Variants in JMJD1C observed in about 807,000 individuals in gnomAD.
JMJD1C encodes jumonji domain containing 1C.
Under a neutral mutation model 245.3 loss-of-function variants are expected in JMJD1C, and 31 were observed. The ratio of observed to expected loss-of-function variants is 0.13; its 90% CI spans 0.09 to 0.17. The LOEUF is 0.17. Among genes scored for constraint, JMJD1C ranks in the 10% least tolerant of loss-of-function variants. The pLI, the probability that JMJD1C is intolerant of heterozygous loss-of-function variation, is 1.00. For synonymous variants in JMJD1C, 1,057 were observed against 1,017.4 expected (o/e 1.04, Z -0.74); for missense variants, 2,691 against 3,000.2 (o/e 0.90, Z 2.41).
intron 2 of JMJD1C, among the ~76,000 whole-genome samples, chr10:63,325,313 G>A (rs1218774583): frequency 2.6e-5 from 4 of 152,098 alleles, no homozygotes; most frequent in Admixed American, 2.0e-4. Flanking sequence ...CTAGAATAGG[G>A]TTTCTTCTAC....
chr10:63,462,412 T>C (rs1352928186), intron 1 of JMJD1C, among the ~76,000 whole-genome samples: 5 of 152,358 alleles, frequency 3.3e-5, no homozygotes, highest in Admixed American at 2.6e-4. Context: ...AGAAATATGT[T>C]TGCTACCACG....
chr10:63,501,907 G>A (rs1954574427), intron 1 of JMJD1C, among the ~76,000 whole-genome samples: 1 of 152,148 alleles, frequency 6.6e-6, no homozygotes, highest in African/African-American at 2.4e-5. Context: ...GAAAAAGAAG[G>A]CGAGAAGAAA....
chr10:63,511,840 A>G (rs924848494), intron 1 of JMJD1C, among the ~76,000 whole-genome samples: 2 of 152,226 alleles, frequency 1.3e-5, no homozygotes, highest in Non-Finnish European at 2.9e-5. Flanking sequence ...GGATTTTGGT[A>G]TACTCAAGGA....
chr10:63,358,977 CG>C, intron 2 of JMJD1C: 1 of 160,412 alleles, frequency 6.2e-6, no homozygotes, highest in South Asian at 1.8e-4. Context: ...CAATTTCCAC[CG>C]AAGCATGGTA....
At chr10:63,301,313 C>G (rs891567196) in intron 2 of JMJD1C, among the ~76,000 whole-genome samples, 5 of 152,196 alleles carry the variant, frequency 3.3e-5, no homozygotes, top group African/African-American at 4.8e-5. Flanking sequence ...CCACATCCAG[C>G]CTCTGAGAAT....
intron 2 of JMJD1C, among the ~76,000 whole-genome samples, chr10:63,273,864 A>T (rs1856550082): frequency 6.6e-6 from 1 of 152,182 alleles, no homozygotes; most frequent in Non-Finnish European, 1.5e-5. Context: ...ACCCAAAGAA[A>T]ATCTGCTCCT....
At chr10:63,427,409 A>T in intron 1 of JMJD1C, 1 of 1,107,906 alleles carries the variant, frequency 9.0e-7, no homozygotes, top group Non-Finnish European at 1.3e-6. Context: ...TTGACGGAAG[A>T]CACAGTACAC....
chr10:63,332,332 A>G (rs773980185), intron 2 of JMJD1C, among the ~76,000 whole-genome samples: 1 of 152,250 alleles, frequency 6.6e-6, no homozygotes, highest in African/African-American at 2.4e-5. Flanking sequence ...CCAAAATTTA[A>G]TATGATGCAC....
Position 63,186,195 on chromosome 10 carries a change from T to C in JMJD1C, c.6739+20A>G. 1 of 1,578,744 alleles carries C rather than the reference T, an allele frequency of 6.3e-7. No individual in the cohort carries two copies. The highest frequency in any genetic ancestry group is 8.6e-7 in the Non-Finnish European group (1 of 1,158,318). Reference sequence around the variant, plus strand: ...TGAAGGAGTATGATGGAGAAAATAGTAAAATAAAAACCAACATACTTGAAA... The same window carrying C: ...TGAAGGAGTATGATGGAGAAAATAGCAAAATAAAAACCAACATACTTGAAA... On this transcript the variant is annotated intron_variant, in intron 19 of 25. Transcript: ENST00000399262.
At chr10:63,388,350 A>G (rs1397517951) in intron 1 of JMJD1C, among the ~76,000 whole-genome samples, 1 of 137,076 alleles carries the variant, frequency 7.3e-6, no homozygotes. Flanking sequence ...CTGAAGGAGA[A>G]AAAAAAAAAA....
chr10:63,186,871 A>G (rs894233489), intron 18 of JMJD1C, among the ~76,000 whole-genome samples: 2 of 152,182 alleles, frequency 1.3e-5, no homozygotes, highest in African/African-American at 4.8e-5. Context: ...AGAACACAGT[A>G]AGCTATGACT....
intron 1 of JMJD1C, among the ~76,000 whole-genome samples, chr10:63,485,380 TAC>T (rs1455791996): frequency 6.6e-6 from 1 of 152,094 alleles, no homozygotes; most frequent in Non-Finnish European, 1.5e-5. Context: ...AAGCCTTTCT[TAC>T]AGTCTCCATT....
intron 9 of JMJD1C, 52 bp downstream of exon 9, chr10:63,209,011 A>G: frequency 6.9e-7 from 1 of 1,457,072 alleles, no homozygotes; most frequent in Non-Finnish European, 9.4e-7. Flanking sequence ...AAGGCAAATT[A>G]AGAAAAATTA....
intron 18 of JMJD1C, among the ~76,000 whole-genome samples, chr10:63,188,192 A>G (rs545199745): frequency 1.3e-5 from 2 of 152,226 alleles, no homozygotes; most frequent in Non-Finnish European, 1.5e-5. Context: ...ATAATTATGA[A>G]AACAATTATT....
At chr10:63,398,881 G>C (rs190001942) in intron 1 of JMJD1C, among the ~76,000 whole-genome samples, 1 of 152,172 alleles carries the variant, frequency 6.6e-6, no homozygotes, top group East Asian at 1.9e-4. Flanking sequence ...CTAGCCTCAA[G>C]TGTGATTCAC....
chr10:63,343,774 A>G (rs1212436137), intron 2 of JMJD1C, among the ~76,000 whole-genome samples: 4 of 152,194 alleles, frequency 2.6e-5, no homozygotes, highest in Admixed American at 6.5e-5. Context: ...GTAATGGCTC[A>G]CAACTATAAT....
Position 63,214,602 on chromosome 10 carries a change from G to A in JMJD1C, c.1565C>T (p.Ala522Val), listed in dbSNP as rs1363869133. ...GCCAAAGGTACTTGAGTTTTCCTGAGCCACCTTTTCTAAATTAGTGTCATT... is the reference window on the plus strand; with the variant it reads ...GCCAAAGGTACTTGAGTTTTCCTGAACCACCTTTTCTAAATTAGTGTCATT... ...ITNDTNLEKV[A>V]QENSSTFGLQ... Residue 522 changes from alanine (A) to valine (V), a missense_variant, in exon 8 of 26, where the codon GCT becomes GTT. By Grantham distance (64) the Ala-to-Val change is moderately conservative. This residue lies in a region of JMJD1C where 1,562 missense variants were observed against 1,490.7 expected (regional missense o/e 1.05). Coordinates refer to ENST00000399262, the MANE Select transcript of JMJD1C (RefSeq NM_032776.3). The A allele has an allele frequency of 1.2e-6, 2 of 1,614,064 alleles. No individual in the cohort carries two copies.
At chr10:63,493,249 CTTTTTT>C (rs752941477) in intron 1 of JMJD1C, among the ~76,000 whole-genome samples, 22 of 49,136 alleles carry the variant, frequency 4.5e-4, no homozygotes, top group Middle Eastern at 0.031. Flanking sequence ...ACTGTTATTT[CTTTTTT>C]TTTTTTTTTT....
chr10:63,241,370 G>C (rs892474038), intron 3 of JMJD1C, among the ~76,000 whole-genome samples: 3 of 152,060 alleles, frequency 2.0e-5, no homozygotes, highest in Non-Finnish European at 4.4e-5. Flanking sequence ...AAACAATACT[G>C]GCCACAAATC....
Sources: gnomAD v4.1 joint callset for allele counts (sites outside exome capture counted in the v4.1 genomes callset) on GRCh38, gnomAD v4.1.1 for gene constraint, gnomAD v4.1.1 regional missense constraint, MANE v1.5 for transcripts, NCBI Gene and HGNC (gene_info 2026-07-23, HGNC 2026-07-21) for gene names.